The following CAPN1 variants were observed in gnomAD, a reference collection of about 807,000 sequenced individuals.
The protein encoded by CAPN1 is calpain 1, also known as calpain-1 catalytic subunit.
Under a neutral mutation model 105.2 loss-of-function variants are expected in CAPN1, and 77 were observed. The ratio of observed to expected loss-of-function variants is 0.73; its 90% CI spans 0.61 to 0.88. The LOEUF is 0.88. Among genes scored for constraint, CAPN1 ranks in the 40% least tolerant of loss-of-function variants. CAPN1 has a pLI of 0.00. For synonymous variants in CAPN1, 355 were observed against 388.8 expected, an observed-to-expected ratio of 0.91 and a Z score of 1.02; for missense variants, 833 against 976.6, an observed-to-expected ratio of 0.85 and a Z score of 1.96.
intron 10 of CAPN1, among the ~76,000 whole-genome samples, chr11:65,203,827 G>T (rs1393906015): frequency 1.3e-5 from 2 of 152,112 alleles, no homozygotes; most frequent in Admixed American, 1.3e-4. Context: ...CCGGCATCCT[G>T]TGAGGTTCCC....
At position 65,210,376 on chromosome 11, in the gene CAPN1, C is replaced by G. The variant is rs1449052314; in HGVS notation, c.1983C>G (p.Thr661=). The part of the protein sequence containing the change: ...LNKKLYELII[T]RYSEPDLAVD... Reference sequence around the variant, plus strand: ...AGAAGCTGTACGAGCTCATCATCACCCGCTACTCGGAGCCCGACCTGGCGG... The same window carrying G: ...AGAAGCTGTACGAGCTCATCATCACGCGCTACTCGGAGCCCGACCTGGCGG... Residue 661 remains threonine (T), a synonymous_variant, in exon 20 of 22, where the codon ACC becomes ACG. Transcript: ENST00000279247. The surrounding 1 kb of genome is among the most constrained non-coding windows in gnomAD (Gnocchi z 4.3). The G allele has an allele frequency of 6.2e-7, 1 of 1,613,400 alleles. No homozygotes were observed. The highest frequency in any genetic ancestry group is 1.3e-5 in the African/African-American group (1 of 75,046).
Position 65,211,405 on chromosome 11 carries a change from A to C in CAPN1, c.*119A>C. On this transcript the variant is annotated 3_prime_UTR_variant, in exon 22 of 22. Coordinates refer to ENST00000279247, the MANE Select transcript of CAPN1 (RefSeq NM_005186.4). ...AGTGCCTTCCTTGGAGCAGAGAGGCAGCCTCGTCCTCCTGTCCCCTCTCCT... is the reference window on the plus strand; with the variant it reads ...AGTGCCTTCCTTGGAGCAGAGAGGCCGCCTCGTCCTCCTGTCCCCTCTCCT... The C allele has an allele frequency of 1.1e-6, 1 of 918,742 alleles. No homozygotes were observed. The highest frequency in any genetic ancestry group is 2.6e-5 in the East Asian group (1 of 38,510). The allele number at this position is 918,742 out of a possible 1,614,324, so 56.9% of individuals were successfully genotyped here. A position where few individuals can be genotyped will look rare whatever the true frequency, so the allele number is the denominator to read the frequency against.
rs1783617667 is a variant in CAPN1, at chr11:65,188,962, A to G, written c.1165+216A>G. ...TGAGCCCAGGGTGCTCATGAGGGGCAAAGATCTTGTGGCCATCCAGCCACC... is the reference window on the plus strand; with the variant it reads ...TGAGCCCAGGGTGCTCATGAGGGGCGAAGATCTTGTGGCCATCCAGCCACC... On this transcript the variant is annotated intron_variant, in intron 10 of 21. Coordinates refer to ENST00000279247, the MANE Select transcript of CAPN1 (RefSeq NM_005186.4). This position sits in a 1 kb window ranked among gnomAD's most constrained non-coding sequence, Gnocchi z 5.5. Among the ~76,000 whole-genome samples the G allele has an allele frequency of 6.6e-6, 1 of 152,178 alleles. No individual in the cohort carries two copies. The highest frequency in any genetic ancestry group is 2.4e-5 in the African/African-American group (1 of 41,440).
chr11:65,194,271 GA>G (rs1345791775), intron 10 of CAPN1, among the ~76,000 whole-genome samples: 1 of 152,080 alleles, frequency 6.6e-6, no homozygotes, highest in Admixed American at 6.6e-5. Flanking sequence ...GCTCGGCCTG[GA>G]TTGACTTTTT....
intron 21 of CAPN1, 174 bp from the exon 22 acceptor site, chr11:65,211,086 T>C: frequency 1.3e-6 from 1 of 781,710 alleles, no homozygotes; most frequent in Non-Finnish European, 2.1e-6. Context: ...GAGGCCCCTA[T>C]GGGAGCAGCA....
Position 65,187,286 on chromosome 11 carries a change from C to A in CAPN1, c.831C>A (p.Thr277=). 2 of 1,612,192 alleles carry A rather than the reference C, an allele frequency of 1.2e-6. No individual in the cohort carries two copies. Among genetic ancestry groups the A allele is most frequent in the Non-Finnish European group, 1.7e-6 (2 of 1,178,864 alleles). The change falls in exon 7 of 22, where the codon ACC becomes ACA. Residue 277 remains threonine, a synonymous_variant. Transcript: ENST00000279247. ...TGAAGGGCCATGCCTACTCTGTGAC[C>A]GGGGCCAAGCAGGTACTGCCCTGGG... ...KLVKGHAYSV[T]GAKQVNYRGQ...
chr11:65,194,382 GTTAA>G (rs1214126427), intron 10 of CAPN1, among the ~76,000 whole-genome samples: 17 of 152,114 alleles, frequency 1.1e-4, no homozygotes, highest in Admixed American at 5.9e-4. Flanking sequence ...TAAGTACATC[GTTAA>G]TTAAGTTACA....
At chr11:65,190,893 A>G (rs1215393349) in intron 10 of CAPN1, among the ~76,000 whole-genome samples, 1 of 151,952 alleles carries the variant, frequency 6.6e-6, no homozygotes, top group Non-Finnish European at 1.5e-5. Flanking sequence ...TTGTATTTTT[A>G]GTAGAGACGG....
At position 65,206,631 on chromosome 11, in the gene CAPN1, G is replaced by T; in HGVS notation, c.1522G>T (p.Asp508Tyr). ...PSTFEPNKEG[D>Y]FVLRFFSEKS... ...CACCTTCGAGCCCAACAAGGAGGGCGACTTCGTGCTGCGCTTCTTCTCAGA... is the reference window on the plus strand; with the variant it reads ...CACCTTCGAGCCCAACAAGGAGGGCTACTTCGTGCTGCGCTTCTTCTCAGA... Residue 508 changes from aspartate (D) to tyrosine (Y), a missense_variant, in exon 13 of 22, where the codon GAC (aspartate) becomes TAC (tyrosine). Asp to Tyr is a radical substitution (Grantham distance 160, BLOSUM62 -3). Transcript: ENST00000279247. 1.2e-6 allele frequency: 2 copies of T among 1,613,394 alleles called. No homozygotes were observed. The highest frequency in any genetic ancestry group is 8.5e-7 in the Non-Finnish European group (1 of 1,179,884).
At position 65,185,944 on chromosome 11, in the gene CAPN1, G is replaced by C. The variant is rs752598644; in HGVS notation, c.484G>C (p.Val162Leu). 6.9e-6 allele frequency: 11 copies of C among 1,589,908 alleles called. No homozygotes were observed. Among genetic ancestry groups the C allele is most frequent in the Non-Finnish European group, 9.4e-6 (11 of 1,168,082 alleles). ...QLWQFGEWVD[V>L]VVDDLLPIKD... ...GTGGCAATTTGGGGAGTGGGTGGAC[G>C]TGGTCGTGGATGACCTGCTGCCCAT... The change falls in exon 5 of 22, where the codon GTG becomes CTG. Residue 162 changes from valine to leucine, a missense_variant. Transcript: ENST00000279247.
upstream of CAPN1, chr11:65,181,528 C>T: frequency 2.7e-6 from 1 of 373,312 alleles, no homozygotes; most frequent in Non-Finnish European, 5.3e-6. This position sits in a 1 kb window ranked among gnomAD's most constrained non-coding sequence, Gnocchi z 4.6. Flanking sequence ...CGCCGCCGCA[C>T]AATCGCCCCG....
rs1590869324 is a variant in CAPN1 at position 65,211,366 on chromosome 11, C to A, written c.*80C>A. ...TCGCCTCCTACCACACCACACCAGGCCACCCCAGCTGCAAGTGCCTTCCTT... is the reference window on the plus strand; with the variant it reads ...TCGCCTCCTACCACACCACACCAGGACACCCCAGCTGCAAGTGCCTTCCTT... On this transcript the variant is annotated 3_prime_UTR_variant, in exon 22 of 22. Transcript: ENST00000279247. The A allele has an allele frequency of 7.1e-7, 1 of 1,414,102 alleles. No homozygotes were observed. The highest frequency in any genetic ancestry group is 9.9e-7 in the Non-Finnish European group (1 of 1,013,556). The allele number at this position is 1,414,102 out of a possible 1,614,324, so 87.6% of individuals were successfully genotyped here. A position where few individuals can be genotyped will look rare whatever the true frequency, so the allele number is the denominator to read the frequency against.
chr11:65,185,695 T>C (rs1948621810), intron 4 of CAPN1, among the ~76,000 whole-genome samples: 1 of 150,442 alleles, frequency 6.6e-6, no homozygotes, highest in South Asian at 2.1e-4. Flanking sequence ...ATGCATCTAG[T>C]ATGTATCTAG....
In CAPN1 at chr11:65,186,341, G is replaced by A. The variant is rs370628285; in HGVS notation, c.759+3G>A. On this transcript the variant is annotated splice_donor_region_variant and intron_variant, in intron 6 of 21. Transcript: ENST00000279247. ...CCCTGCTGGGCTGCTCCATAGACGT[G>A]AGTGTGCCCGGCCCCGATGCTTTGG... The A allele has an allele frequency of 8.1e-6, 13 of 1,608,096 alleles. No homozygotes were observed. Among genetic ancestry groups the A allele is most frequent in the Middle Eastern group, 1.7e-4 (1 of 6,030 alleles).
At position 65,183,460 on chromosome 11, in the gene CAPN1, C is replaced by T. The variant is rs765872188; in HGVS notation, c.338-14C>T. 19 of 1,584,150 alleles carry T rather than the reference C, an allele frequency of 1.2e-5. No homozygotes were observed. The highest frequency in any genetic ancestry group is 1.7e-5 in the Admixed American group (1 of 59,874). ...GTTGGTAGAGCAGGCTAATGTGCATCCCTCCTGCCCCAGGGGACTGCTGGC... is the reference window on the plus strand; with the variant it reads ...GTTGGTAGAGCAGGCTAATGTGCATTCCTCCTGCCCCAGGGGACTGCTGGC... On this transcript the variant is annotated splice_polypyrimidine_tract_variant and intron_variant, in intron 3 of 21. Transcript: ENST00000279247.
At chr11:65,184,371 C>T (rs1212110062) in intron 4 of CAPN1, among the ~76,000 whole-genome samples, 5 of 152,160 alleles carry the variant, frequency 3.3e-5, no homozygotes, top group Admixed American at 6.5e-5. Context: ...AGTCTCGCCC[C>T]CTTCCCTCGC....
chr11:65,207,742 G>A (rs886269700), intron 14 of CAPN1, among the ~76,000 whole-genome samples: 9 of 151,760 alleles, frequency 5.9e-5, no homozygotes, highest in Non-Finnish European at 8.8e-5. Context: ...GCAAAACCCC[G>A]TCTCTACTAA....
intron 10 of CAPN1, among the ~76,000 whole-genome samples, chr11:65,195,691 T>A (rs983794287): frequency 1.3e-5 from 2 of 152,294 alleles, no homozygotes; most frequent in East Asian, 3.9e-4. Context: ...GATATTGGTC[T>A]GTAATCTTCT....
At position 65,206,449 on chromosome 11, in the gene CAPN1, C is replaced by G; in HGVS notation, c.1354-14C>G. On this transcript the variant is annotated splice_polypyrimidine_tract_variant and intron_variant, in intron 12 of 21. Coordinates refer to ENST00000279247, the MANE Select transcript of CAPN1 (RefSeq NM_005186.4). ...TGGGCAGCTGCAGCCCTGCTCCCTC[C>G]TCCCTCCCACCAGCTGGTGGGCCAG... 6.2e-7 allele frequency: 1 copy of G among 1,608,906 alleles called. No homozygotes were observed. Among genetic ancestry groups the G allele is most frequent in the East Asian group, 2.2e-5 (1 of 44,830 alleles).
Sources: gnomAD v4.1 joint callset for allele counts (sites outside exome capture counted in the v4.1 genomes callset) on GRCh38, gnomAD v4.1.1 for gene constraint, Gnocchi (gnomAD v3.1) non-coding constraint, MANE v1.5 for transcripts, NCBI Gene and HGNC (gene_info 2026-07-23, HGNC 2026-07-21) for gene names.